C12orf56: variants seen among roughly 807,000 people sequenced by gnomAD.
C12orf56 encodes the protein uncharacterized protein C12orf56.
In C12orf56, 71 loss-of-function variants were observed where a neutral mutation model predicts 69.9. The ratio of observed to expected loss-of-function variants is 1.02; its 90% CI spans 0.84 to 1.24. The LOEUF is 1.24. Among genes scored for constraint, C12orf56 ranks in the 50% most tolerant of loss-of-function variants. The pLI, the probability that C12orf56 is intolerant of heterozygous loss-of-function variation, is 0.00. For synonymous variants in C12orf56, 276 were observed against 274.1 expected (o/e 1.01, Z -0.07); for missense variants, 732 against 738.5 (o/e 0.99, Z 0.10).
In C12orf56 at chr12:64,352,961, A is replaced by G. The variant is rs769806563; in HGVS notation, c.348T>C (p.Cys116=). The change falls in exon 2 of 13, where the codon TGT becomes TGC. Residue 116 remains cysteine, a synonymous_variant. Transcript: ENST00000543942. ...IYSSTVLKKE[C]KKSNSVRKFL... Reference sequence around the variant, plus strand: ...ATTTCCTGACACTGTTTGACTTTTTACACTCTTTTTTCAAAACGGTTGAAG... The same window carrying G: ...ATTTCCTGACACTGTTTGACTTTTTGCACTCTTTTTTCAAAACGGTTGAAG... 1 of 1,613,188 alleles carries G rather than the reference A, an allele frequency of 6.2e-7. No individual in the cohort carries two copies. Among genetic ancestry groups the G allele is most frequent in the Non-Finnish European group, 8.5e-7 (1 of 1,179,678 alleles).
intron 1 of C12orf56, among the ~76,000 whole-genome samples, chr12:64,377,344 A>G (rs545221584): frequency 2.0e-5 from 3 of 150,854 alleles, no homozygotes; most frequent in Admixed American, 2.0e-4. Context: ...CAAGTGCACC[A>G]CCCCCAGCTA....
intron 2 of C12orf56, among the ~76,000 whole-genome samples, chr12:64,346,820 G>A (rs1280125508): frequency 3.3e-5 from 5 of 152,082 alleles, no homozygotes; most frequent in African/African-American, 7.2e-5. Flanking sequence ...TATCACTCAG[G>A]AAATTCTAAA....
chr12:64,363,517 G>A (rs998368761), intron 1 of C12orf56, among the ~76,000 whole-genome samples: 19 of 152,250 alleles, frequency 1.2e-4, no homozygotes, highest in Admixed American at 9.8e-4. Context: ...TGGGGCACAC[G>A]CTAGGGGCCC....
intron 2 of C12orf56, among the ~76,000 whole-genome samples, chr12:64,332,302 C>CCA (rs35957192): frequency 9.9e-6 from 1 of 100,776 alleles, no homozygotes; most frequent in Non-Finnish European, 1.9e-5. Context: ...GACTCCATCT[C>CCA]AAAAAAAAAA....
At chr12:64,326,125 A>C (rs563708681) in intron 3 of C12orf56, among the ~76,000 whole-genome samples, 26 of 152,216 alleles carry the variant, frequency 1.7e-4, no homozygotes, top group Non-Finnish European at 3.4e-4. Flanking sequence ...ATAAAAGACA[A>C]TGAGCCCTGG....
chr12:64,340,381 A>G (rs999117099), intron 2 of C12orf56, among the ~76,000 whole-genome samples: 2 of 152,104 alleles, frequency 1.3e-5, no homozygotes, highest in Non-Finnish European at 2.9e-5. Flanking sequence ...CTTCAATCCA[A>G]TGAAGTGGAC....
chr12:64,278,474 T>C (rs1482290829), intron 8 of C12orf56, among the ~76,000 whole-genome samples: 1 of 152,132 alleles, frequency 6.6e-6, no homozygotes, highest in South Asian at 2.1e-4. Context: ...TAATTGATAA[T>C]AAAAATTGTA....
intron 1 of C12orf56, among the ~76,000 whole-genome samples, chr12:64,381,318 C>G (rs1349683764): frequency 6.6e-6 from 1 of 152,298 alleles, no homozygotes; most frequent in Admixed American, 6.5e-5. Flanking sequence ...ATCTCAAGCA[C>G]TGATCTTAGA....
chr12:64,319,621 A>G (rs2038744399), intron 3 of C12orf56, among the ~76,000 whole-genome samples: 1 of 152,176 alleles, frequency 6.6e-6, no homozygotes, highest in African/African-American at 2.4e-5. Flanking sequence ...CCCTAGGCCG[A>G]CTAAGAATCC....
At chr12:64,353,144 G>GT (rs376117595) in intron 1 of C12orf56, 88 bp from the exon 2 acceptor site, 25,772 of 1,143,308 alleles carry the variant, frequency 0.023, 2 homozygotes, top group East Asian at 0.03. Flanking sequence ...CTAACAGCAA[G>GT]TTTTTTTTTT....
chr12:64,277,625 AG>A, intron 9 of C12orf56, 54 bp downstream of exon 9: 11 of 961,688 alleles, frequency 1.1e-5, no homozygotes, highest in Non-Finnish European at 1.4e-5. Flanking sequence ...AAAAGAAGCC[AG>A]GGCCCCTATA....
intron 1 of C12orf56, 55 bp downstream of exon 1, chr12:64,390,259 C>A: frequency 6.5e-7 from 1 of 1,528,514 alleles, no homozygotes; most frequent in East Asian, 2.4e-5. Flanking sequence ...TTGGGGGCCC[C>A]AGCCGGGAGT....
At chr12:64,318,510 C>T (rs2038718374) in intron 4 of C12orf56, 65 bp downstream of exon 4, 1 of 1,351,310 alleles carries the variant, frequency 7.4e-7, no homozygotes, top group African/African-American at 1.5e-5. Context: ...GGGAGGAGGG[C>T]TTGTTTGCTC....
At chr12:64,342,251 G>A (rs369759557) in intron 2 of C12orf56, among the ~76,000 whole-genome samples, 37 of 152,298 alleles carry the variant, frequency 2.4e-4, no homozygotes, top group African/African-American at 1.9e-4. Context: ...GTATGCAATC[G>A]TACATCTGGC....
intron 3 of C12orf56, among the ~76,000 whole-genome samples, chr12:64,319,723 C>A (rs1019897827): frequency 6.6e-5 from 10 of 152,128 alleles, no homozygotes; most frequent in African/African-American, 2.4e-4. Context: ...AAAGAGAGCT[C>A]ATTAAAATGC....
chr12:64,357,301 T>A (rs1421094220), intron 1 of C12orf56, among the ~76,000 whole-genome samples: 2 of 152,196 alleles, frequency 1.3e-5, no homozygotes, highest in African/African-American at 4.8e-5. Context: ...AATTGTTTTA[T>A]GGGAGATTTG....
At chr12:64,355,326 A>T (rs2039295607) in intron 1 of C12orf56, among the ~76,000 whole-genome samples, 1 of 152,176 alleles carries the variant, frequency 6.6e-6, no homozygotes, top group East Asian at 1.9e-4. Context: ...TTTAAAAATT[A>T]TTTTCAAATA....
chr12:64,313,274 A>AAAAAAGAAAGAAAGAAAGAAAGAAAG (rs762664621), intron 4 of C12orf56, among the ~76,000 whole-genome samples: 87 of 81,390 alleles, frequency 1.1e-3, no homozygotes, highest in East Asian at 2.8e-3. Context: ...AAAAAAAAAA[A>AAAAAAGAAAGAAAGAAAGAAAGAAAG]AAAGAAAGAA....
chr12:64,280,043 T>A (rs1319239500), intron 8 of C12orf56, among the ~76,000 whole-genome samples: 1 of 152,122 alleles, frequency 6.6e-6, no homozygotes, highest in Non-Finnish European at 1.5e-5. Context: ...TACTAGGATA[T>A]GAAAAAATAT....
Sources: allele counts gnomAD v4.1 joint callset (sites outside exome capture counted in the v4.1 genomes callset), GRCh38; gene constraint gnomAD v4.1.1; transcripts MANE v1.5; gene names NCBI Gene and HGNC (gene_info 2026-07-23, HGNC 2026-07-21).